SH3RF2: variants seen among roughly 807,000 people sequenced by gnomAD.
The protein encoded by SH3RF2 is SH3 domain containing ring finger 2.
In SH3RF2, 43 loss-of-function variants were observed where a neutral mutation model predicts 59.0. The observed-to-expected ratio is 0.73, with a 90% CI of 0.57 to 0.94. SH3RF2 has a LOEUF of 0.94. SH3RF2 is among the 40% of genes least tolerant of loss of function. The pLI, the probability that SH3RF2 is intolerant of heterozygous loss-of-function variation, is 0.00. For synonymous variants in SH3RF2, 391 were observed against 391.5 expected, an observed-to-expected ratio of 1.00 and a Z score of 0.01; for missense variants, 930 against 940.1, an observed-to-expected ratio of 0.99 and a Z score of 0.14.
intron 2 of SH3RF2, among the ~76,000 whole-genome samples, chr5:145,999,334 G>A (rs924048335): frequency 3.3e-5 from 5 of 152,056 alleles, no homozygotes; most frequent in African/African-American, 1.2e-4. Context: ...TCTCCATATC[G>A]GCAATAAGGC....
At chr5:145,979,472 A>G (rs989972047) in intron 2 of SH3RF2, among the ~76,000 whole-genome samples, 3 of 152,216 alleles carry the variant, frequency 2.0e-5, no homozygotes, top group African/African-American at 7.2e-5. Flanking sequence ...CTCACCAGCC[A>G]TGGGGCCTCA....
At chr5:146,081,296 T>A (rs1267290237) in exon 10 of SH3RF2, 2 of 152,178 alleles carry the variant, frequency 1.3e-5, no homozygotes, top group Non-Finnish European at 2.9e-5. Context: ...AGTCCTCTTT[T>A]CCTGGACTTA....
intron 9 of SH3RF2, among the ~76,000 whole-genome samples, chr5:146,076,485 G>A (rs906242201): frequency 6.6e-6 from 1 of 152,120 alleles, no homozygotes; most frequent in African/African-American, 2.4e-5. Context: ...TGAACCCCCC[G>A]CCCATGTTCA....
intron 2 of SH3RF2, among the ~76,000 whole-genome samples, chr5:145,947,133 C>A (rs909316946): frequency 5.3e-5 from 8 of 149,840 alleles, no homozygotes; most frequent in Non-Finnish European, 1.0e-4. Flanking sequence ...TGAACAATAA[C>A]TTTCCATTCT....
chr5:145,962,727 G>A (rs996642760), intron 2 of SH3RF2, among the ~76,000 whole-genome samples: 11 of 151,994 alleles, frequency 7.2e-5, no homozygotes, highest in African/African-American at 2.7e-4. Context: ...GAGTAAGGGA[G>A]CAAGAGAAGG....
At chr5:146,056,344 A>G in intron 8 of SH3RF2, 131 bp downstream of exon 8, 1 of 1,380,554 alleles carries the variant, frequency 7.2e-7, no homozygotes, top group Non-Finnish European at 9.7e-7. Context: ...GGTATTATAC[A>G]ATTCCCAAAT....
At chr5:146,056,929 A>T (rs1347974580) in intron 8 of SH3RF2, among the ~76,000 whole-genome samples, 2 of 152,230 alleles carry the variant, frequency 1.3e-5, no homozygotes, top group Non-Finnish European at 2.9e-5. Flanking sequence ...GTCTCTTCAC[A>T]TAGTGAACTT....
chr5:146,031,356 A>T (rs6891869), intron 5 of SH3RF2, among the ~76,000 whole-genome samples: 3 of 151,872 alleles, frequency 2.0e-5, no homozygotes, highest in Non-Finnish European at 4.4e-5. Context: ...TGAATGAATG[A>T]GTGGTGAAGC....
downstream of SH3RF2, among the ~76,000 whole-genome samples, chr5:146,065,190 G>T (rs905174869): frequency 4.6e-5 from 7 of 152,064 alleles, no homozygotes; most frequent in African/African-American, 1.4e-4. Context: ...GATGTTTGTG[G>T]ACCCAAACAA....
At chr5:145,948,341 C>T (rs1231082050) in intron 2 of SH3RF2, among the ~76,000 whole-genome samples, 2 of 152,230 alleles carry the variant, frequency 1.3e-5, no homozygotes, top group African/African-American at 4.8e-5. Flanking sequence ...ACCCATGACA[C>T]TGAGGATTGC....
intron 2 of SH3RF2, among the ~76,000 whole-genome samples, chr5:145,984,317 T>TAG (rs2149971557): frequency 6.6e-6 from 1 of 152,216 alleles, no homozygotes; most frequent in East Asian, 1.9e-4. Flanking sequence ...AGTGTTATGA[T>TAG]AGGGGAAGTA....
At chr5:146,032,837 A>G (rs1028830404) in intron 5 of SH3RF2, among the ~76,000 whole-genome samples, 7 of 152,172 alleles carry the variant, frequency 4.6e-5, no homozygotes, top group African/African-American at 1.4e-4. Context: ...TAGCCTAGCA[A>G]ATGAGGCACA....
chr5:145,972,790 A>G (rs541557408), intron 2 of SH3RF2, among the ~76,000 whole-genome samples: 35 of 152,260 alleles, frequency 2.3e-4, no homozygotes, highest in Admixed American at 2.0e-3. Context: ...TTATTTGGTA[A>G]AAGGACCTTG....
At chr5:145,987,278 T>G (rs1011860206) in intron 2 of SH3RF2, among the ~76,000 whole-genome samples, 4 of 152,156 alleles carry the variant, frequency 2.6e-5, no homozygotes, top group African/African-American at 9.7e-5. Flanking sequence ...TTTGTGAGAT[T>G]TGGGTGCACC....
chr5:146,052,312 G>C (rs972096092), intron 7 of SH3RF2, among the ~76,000 whole-genome samples: 1 of 152,002 alleles, frequency 6.6e-6, no homozygotes, highest in Non-Finnish European at 1.5e-5. Flanking sequence ...GTATTTCAAG[G>C]CTCCAGTTTT....
intron 9 of SH3RF2, among the ~76,000 whole-genome samples, chr5:146,072,581 G>GA (rs1763261579): frequency 6.6e-6 from 1 of 152,052 alleles, no homozygotes; most frequent in South Asian, 2.1e-4. Flanking sequence ...TGAGGCAGGG[G>GA]AATCACTTGA....
At chr5:146,063,668 T>G (rs1199612730), downstream of SH3RF2, among the ~76,000 whole-genome samples, 3 of 152,206 alleles carry the variant, frequency 2.0e-5, no homozygotes, top group East Asian at 5.8e-4. Context: ...GAGACCAGCC[T>G]GGCCAACATG....
chr5:146,042,737 T>G (rs1762170088), intron 5 of SH3RF2, among the ~76,000 whole-genome samples: 1 of 152,210 alleles, frequency 6.6e-6, no homozygotes, highest in Non-Finnish European at 1.5e-5. Flanking sequence ...AACCTGGAAA[T>G]TCCCAGAAGC....
chr5:146,062,787 T>C lies in SH3RF2; in HGVS notation c.*86T>C, dbSNP rs1762949593. The C allele has an allele frequency of 5.9e-6, 9 of 1,514,860 alleles. No homozygotes were observed. In the South Asian group the frequency reaches 7.9e-5, roughly 13 times the overall value. 93.8% of individuals were successfully genotyped at this position (1,514,860 alleles called of 1,614,324 possible). On this transcript the variant is annotated 3_prime_UTR_variant, in exon 10 of 10. Transcript: ENST00000359120. ...TCCACTGAGGGCATCCTGCCATTCTTTGGGGACTTGAGCATGGGTCCTTGT... is the reference window on the plus strand; with the variant it reads ...TCCACTGAGGGCATCCTGCCATTCTCTGGGGACTTGAGCATGGGTCCTTGT...
Sources: gnomAD v4.1 joint callset for allele counts (sites outside exome capture counted in the v4.1 genomes callset) on GRCh38, gnomAD v4.1.1 for gene constraint, MANE v1.5 for transcripts, NCBI Gene and HGNC (gene_info 2026-07-23, HGNC 2026-07-21) for gene names.